The following CTNNA2 variants were observed in gnomAD, a reference collection of about 807,000 sequenced individuals.
The protein encoded by CTNNA2 is catenin alpha-2.
Under a neutral mutation model 101.0 loss-of-function variants are expected in CTNNA2, and 42 were observed. The observed-to-expected ratio is 0.42, with a 90% CI of 0.32 to 0.54. The LOEUF (loss-of-function observed/expected upper bound fraction) is 0.54. Among genes scored for constraint, CTNNA2 ranks in the 20% least tolerant of loss-of-function variants. The pLI, the probability that CTNNA2 is intolerant of heterozygous loss-of-function variation, is 0.14. For synonymous variants in CTNNA2, 450 were observed against 456.4 expected (o/e 0.99, Z 0.18); for missense variants, 871 against 1,223.1 (o/e 0.71, Z 4.29).
chr2:79,997,891 G>A (rs988977425), intron 7 of CTNNA2, among the ~76,000 whole-genome samples: 1 of 152,184 alleles, frequency 6.6e-6, no homozygotes, highest in African/African-American at 2.4e-5. Flanking sequence ...AGATTATGGT[G>A]TCCAACATAG....
chr2:79,479,201 C>A (rs543007031), intron 4 of CTNNA2, among the ~76,000 whole-genome samples: 1 of 152,252 alleles, frequency 6.6e-6, no homozygotes, highest in African/African-American at 2.4e-5. Flanking sequence ...TGCATTAAAT[C>A]TGTTTTTGAT....
chr2:80,576,227 T>A (rs1695030082), intron 13 of CTNNA2: 1 of 152,122 alleles, frequency 6.6e-6, no homozygotes, highest in East Asian at 1.9e-4. Context: ...CAATACATAT[T>A]TAATGGTGAT....
chr2:79,823,724 T>C (rs1214483670), intron 3 of CTNNA2, among the ~76,000 whole-genome samples: 2 of 152,186 alleles, frequency 1.3e-5, no homozygotes, highest in East Asian at 1.9e-4. Context: ...TTCATTATTA[T>C]AGTAATACTG....
At chr2:80,542,122 A>G (rs1356276237) in intron 9 of CTNNA2, among the ~76,000 whole-genome samples, 1 of 151,384 alleles carries the variant, frequency 6.6e-6, no homozygotes, top group East Asian at 1.9e-4. Context: ...CTTTTTAAAA[A>G]AAAAGTACCA....
At position 80,269,619 on chromosome 2, in the gene CTNNA2, A is replaced by G. The variant is rs150359448; in HGVS notation, c.1057-123592A>G. Among the ~76,000 whole-genome samples, 43 of 152,272 alleles carry G rather than the reference A, an allele frequency of 2.8e-4. No individual in the cohort carries two copies. The East Asian group carries it at 7.5e-3, about 27-fold the overall frequency. Reference sequence around the variant, plus strand: ...GCTGTTATATGTTTCTATCAATCCCAAGCCCAGCAGATTCAACTATGAATT... The same window carrying G: ...GCTGTTATATGTTTCTATCAATCCCGAGCCCAGCAGATTCAACTATGAATT... On this transcript the variant is annotated intron_variant, in intron 7 of 18. Transcript: ENST00000402739.
At chr2:79,488,914 T>C (rs963258421) in intron 4 of CTNNA2, among the ~76,000 whole-genome samples, 1 of 152,208 alleles carries the variant, frequency 6.6e-6, no homozygotes, top group Non-Finnish European at 1.5e-5. Flanking sequence ...CTATTGAAAT[T>C]GCATGTCCAA....
At chr2:80,584,914 C>G (rs914387396) in intron 14 of CTNNA2, among the ~76,000 whole-genome samples, 3 of 152,118 alleles carry the variant, frequency 2.0e-5, no homozygotes, top group African/African-American at 7.2e-5. Flanking sequence ...AGAGTTTTTA[C>G]TTGAGTTAAT....
At chr2:80,252,925 G>A (rs1215701359) in intron 7 of CTNNA2, among the ~76,000 whole-genome samples, 2 of 152,084 alleles carry the variant, frequency 1.3e-5, no homozygotes, top group African/African-American at 4.8e-5. Context: ...CAGGTTCTTG[G>A]GAAGGGGGAT....
intron 7 of CTNNA2, among the ~76,000 whole-genome samples, chr2:80,044,210 A>G (rs112700596): frequency 0.01 from 1,538 of 152,286 alleles, 25 homozygotes; most frequent in African/African-American, 0.036. Flanking sequence ...AGGGAAAACT[A>G]TGGTATTTTC....
Position 80,017,456 on chromosome 2 carries a change from ATGTATATATG to A in CTNNA2, c.1056+107673_1056+107682del, listed in dbSNP as rs540169895. ...GAGATATATATACGTGTGTATATAT[ATGTATATATG>A]TGTATATATGTGTGTATATATATGT... On this transcript the variant is annotated intron_variant, in intron 7 of 18. Coordinates refer to ENST00000402739, the MANE Select transcript of CTNNA2 (RefSeq NM_001282597.3). Among the ~76,000 whole-genome samples the A allele has an allele frequency of 5.2e-3, 790 of 151,786 alleles. 5 individuals carry two copies. Among genetic ancestry groups the A allele is most frequent in the African/African-American group, 0.018 (735 of 41,350 alleles).
intron 1 of CTNNA2, among the ~76,000 whole-genome samples, chr2:79,614,253 G>C (rs1316381670): frequency 6.6e-6 from 1 of 151,998 alleles, no homozygotes; most frequent in Non-Finnish European, 1.5e-5. Context: ...AGGATAACCT[G>C]ATGTTAAAAA....
intron 7 of CTNNA2, among the ~76,000 whole-genome samples, chr2:79,976,439 G>A (rs984347126): frequency 1.3e-5 from 2 of 152,112 alleles, no homozygotes; most frequent in African/African-American, 4.8e-5. Context: ...AACGGATTAT[G>A]TCTCCATTCG....
At chr2:80,125,566 G>A (rs1314884465) in intron 7 of CTNNA2, among the ~76,000 whole-genome samples, 1 of 152,132 alleles carries the variant, frequency 6.6e-6, no homozygotes, top group Non-Finnish European at 1.5e-5. Flanking sequence ...GCCATCCTGT[G>A]CATAGAGCAG....
intron 1 of CTNNA2, among the ~76,000 whole-genome samples, chr2:79,520,499 T>A (rs1583148): frequency 1.3e-5 from 2 of 151,936 alleles, no homozygotes; most frequent in East Asian, 3.9e-4. Flanking sequence ...TAAAAGAAAA[T>A]ATGCATTAGA....
chr2:79,672,067 C>T (rs1533122), intron 2 of CTNNA2, among the ~76,000 whole-genome samples: 34,044 of 151,932 alleles, frequency 0.22, 4,161 homozygotes, highest in East Asian at 0.5. Flanking sequence ...TTAGGCTGTG[C>T]TTCATCTTGG....
At chr2:79,899,601 G>A (rs917636110) in intron 6 of CTNNA2, among the ~76,000 whole-genome samples, 1 of 152,184 alleles carries the variant, frequency 6.6e-6, no homozygotes, top group Non-Finnish European at 1.5e-5. Context: ...AGTATCTAAG[G>A]ATAGAAAGTG....
chr2:79,757,270 AC>A lies in CTNNA2; in HGVS notation c.298+12690del, dbSNP rs540410274. Among the ~76,000 whole-genome samples the A allele has an allele frequency of 3.3e-5, 5 of 150,606 alleles. No homozygotes were observed. In the South Asian group the frequency reaches 1.1e-3, roughly 32 times the overall value. On this transcript the variant is annotated intron_variant, in intron 3 of 18. Coordinates refer to ENST00000402739, the MANE Select transcript of CTNNA2 (RefSeq NM_001282597.3). ...CTGAGCAGAGCATAATAATAAAAAA[AC>A]CATAATCACAAACCTTTCTGTTGAT...
At chr2:80,016,577 A>C (rs1694167412) in intron 7 of CTNNA2, among the ~76,000 whole-genome samples, 1 of 152,202 alleles carries the variant, frequency 6.6e-6, no homozygotes, top group South Asian at 2.1e-4. Flanking sequence ...ATGAGGAATA[A>C]ATACAGATTT....
intron 7 of CTNNA2, among the ~76,000 whole-genome samples, chr2:80,251,076 A>C (rs907683406): frequency 6.6e-6 from 1 of 152,092 alleles, no homozygotes; most frequent in South Asian, 2.1e-4. Flanking sequence ...AATTTTAGTC[A>C]TGAGTGATTA....
Sources: gnomAD v4.1 joint callset for allele counts (sites outside exome capture counted in the v4.1 genomes callset) on GRCh38, gnomAD v4.1.1 for gene constraint, MANE v1.5 for transcripts, NCBI Gene and HGNC (gene_info 2026-07-23, HGNC 2026-07-21) for gene names.